The following KNL1 variants were observed in gnomAD, a reference collection of about 807,000 sequenced individuals.
KNL1 encodes kinetochore scaffold 1.
Under a neutral mutation model 201.3 loss-of-function variants are expected in KNL1, and 66 were observed. The observed-to-expected ratio is 0.33, with a 90% CI of 0.27 to 0.40. The LOEUF (loss-of-function observed/expected upper bound fraction) is 0.40. KNL1 is among the 10% of genes least tolerant of loss of function. The pLI is 1.00. For missense variants in KNL1, 2,815 were observed against 2,690.5 expected, an observed-to-expected ratio of 1.05 and a Z score of -1.02; for synonymous variants, 895 against 899.2, an observed-to-expected ratio of 1.00 and a Z score of 0.08.
chr15:40,662,037 G>A (rs962048504), intron 25 of KNL1, 37 bp from the exon 26 acceptor site: 18 of 1,278,294 alleles, frequency 1.4e-5, no homozygotes, highest in Admixed American at 6.9e-5. Context: ...AGACTCCGTC[G>A]CAAAAAAGAA....
intron 14 of KNL1, among the ~76,000 whole-genome samples, chr15:40,641,529 T>C (rs1182426683): frequency 2.0e-5 from 3 of 152,214 alleles, no homozygotes; most frequent in African/African-American, 7.2e-5. Flanking sequence ...GCCACCAACA[T>C]GATGCAAGTG....
intron 10 of KNL1, among the ~76,000 whole-genome samples, chr15:40,626,486 A>G (rs1402138591): frequency 1.3e-5 from 2 of 151,822 alleles, no homozygotes; most frequent in Non-Finnish European, 2.9e-5. Context: ...TCTATTTTCG[A>G]TAAATATATA....
intron 7 of KNL1, 124 bp from the exon 8 acceptor site, chr15:40,615,217 C>A: frequency 5.6e-6 from 2 of 359,578 alleles, no homozygotes; most frequent in Non-Finnish European, 1.0e-5. Flanking sequence ...AAAAAGATGT[C>A]TTTATAATTT....
chr15:40,606,847 C>A (rs959218466), intron 4 of KNL1, among the ~76,000 whole-genome samples: 1 of 152,142 alleles, frequency 6.6e-6, no homozygotes, highest in African/African-American at 2.4e-5. Flanking sequence ...GCAACCTCCT[C>A]CCCCTGGGCT....
rs770256217 is a variant in KNL1 at position 40,620,618 on chromosome 15, T to C, written c.376-22T>C. 7 of 1,485,390 alleles carry C rather than the reference T, an allele frequency of 4.7e-6. No homozygotes were observed. The East Asian group carries it at 1.4e-4, about 29-fold the overall frequency. The allele number at this position is 1,485,390 out of a possible 1,614,324, so 92.0% of individuals were successfully genotyped here. On this transcript the variant is annotated intron_variant, in intron 9 of 25. Coordinates refer to ENST00000399668, the MANE Select transcript of KNL1 (RefSeq NM_144508.5). ...AAAAGTTTGCTTTTGTTCTGATCTC[T>C]TATATTTTGCTTTCATTATAGTTTT...
intron 1 of KNL1, among the ~76,000 whole-genome samples, chr15:40,600,185 C>G (rs1595911608): frequency 6.6e-6 from 1 of 151,456 alleles, no homozygotes; most frequent in South Asian, 2.1e-4. Context: ...AAGCAATTCT[C>G]CTGCCTCAGC....
chr15:40,657,972 C>T (rs1893782602), intron 24 of KNL1, among the ~76,000 whole-genome samples: 1 of 152,032 alleles, frequency 6.6e-6, no homozygotes, highest in South Asian at 2.1e-4. Context: ...AGTTCTTGGT[C>T]AAGTTGGTCA....
intron 17 of KNL1, among the ~76,000 whole-genome samples, chr15:40,649,125 A>G (rs1461801777): frequency 6.6e-6 from 1 of 150,612 alleles, no homozygotes; most frequent in African/African-American, 2.4e-5. Flanking sequence ...GGTGTGAGCC[A>G]CTGCGCCTGG....
chr15:40,638,247 G>A (rs1893116501), intron 13 of KNL1, among the ~76,000 whole-genome samples: 1 of 79,500 alleles, frequency 1.3e-5, no homozygotes, highest in African/African-American at 4.4e-5. Flanking sequence ...GGGAGGGGAA[G>A]GGAGGGGGGA....
chr15:40,616,361 A>G (rs1179801396), intron 8 of KNL1, among the ~76,000 whole-genome samples: 2 of 144,054 alleles, frequency 1.4e-5, no homozygotes, highest in African/African-American at 2.6e-5. Flanking sequence ...TCCTGACCTC[A>G]GGTGATCCAC....
Position 40,622,514 on chromosome 15 carries a change from C to G in KNL1, c.2250C>G (p.Asp750Glu), listed in dbSNP as rs780833761. The G allele has an allele frequency of 3.7e-6, 6 of 1,613,830 alleles. No homozygotes were observed. In the Admixed American group the frequency reaches 1.0e-4, roughly 27 times the overall value. Residue 750 changes from aspartate to glutamate, a missense_variant, in exon 10 of 26, where the codon GAC becomes GAG. Asp to Glu is a conservative substitution (Grantham distance 45). Coordinates refer to ENST00000399668, the MANE Select transcript of KNL1 (RefSeq NM_144508.5). Reference sequence around the variant, plus strand: ...ATCCCACACCTGACTATTGCCATGACAAGATGATTATATGTTCAGAGGAAG... The same window carrying G: ...ATCCCACACCTGACTATTGCCATGAGAAGATGATTATATGTTCAGAGGAAG... Reference protein sequence around the residue: ...LSNPTPDYCHDKMIICSEEEQ... With the variant: ...LSNPTPDYCHEKMIICSEEEQ...
intron 16 of KNL1, 109 bp from the exon 17 acceptor site, chr15:40,646,878 A>T: frequency 1.1e-5 from 5 of 447,440 alleles, no homozygotes; most frequent in Admixed American, 3.8e-5. Flanking sequence ...AAAAAAAAAA[A>T]GATTTGCCTG....
At chr15:40,639,159 C>CTTT (rs112481283) in intron 13 of KNL1, among the ~76,000 whole-genome samples, 3 of 138,330 alleles carry the variant, frequency 2.2e-5, no homozygotes, top group Non-Finnish European at 4.7e-5. Flanking sequence ...CTTAAAAATC[C>CTTT]TTTTTTTTTT....
chr15:40,654,011 T>G (rs530407348), intron 21 of KNL1, among the ~76,000 whole-genome samples: 33 of 152,220 alleles, frequency 2.2e-4, no homozygotes, highest in Non-Finnish European at 4.3e-4. Flanking sequence ...TTGTAGTTCT[T>G]GCTGTGTTTA....
rs1252424240 is a variant in KNL1, at chr15:40,619,375, TA to T, written c.375+365del. ...AGTGTAATATATATATATATATATA[TA>T]TTTTAGGCTATCTCCTACAAGAAGG... On this transcript the variant is annotated intron_variant, in intron 9 of 25. Coordinates refer to ENST00000399668, the MANE Select transcript of KNL1 (RefSeq NM_144508.5). Among the ~76,000 whole-genome samples, 45 of 151,302 alleles carry T rather than the reference TA, an allele frequency of 3.0e-4. No homozygotes were observed. The East Asian group carries it at 6.4e-3, about 21-fold the overall frequency.
chr15:40,629,835 G>A (rs1217930729), intron 13 of KNL1, among the ~76,000 whole-genome samples: 2 of 151,864 alleles, frequency 1.3e-5, no homozygotes, highest in African/African-American at 4.8e-5. Flanking sequence ...TTTGTGGTTA[G>A]CATAAACAAA....
At chr15:40,618,837 C>T in intron 8 of KNL1, 122 bp from the exon 9 acceptor site, 1 of 594,886 alleles carries the variant, frequency 1.7e-6, no homozygotes, top group South Asian at 2.4e-5. Flanking sequence ...TACGTAAGTT[C>T]TTAAGGGCTT....
intron 1 of KNL1, among the ~76,000 whole-genome samples, chr15:40,597,508 C>G (rs1238105973): frequency 6.6e-6 from 1 of 152,174 alleles, no homozygotes; most frequent in African/African-American, 2.4e-5. Context: ...CTCCTGGCCT[C>G]AAGTGATCCA....
chr15:40,598,200 A>G (rs1891677991), intron 1 of KNL1, among the ~76,000 whole-genome samples: 1 of 152,052 alleles, frequency 6.6e-6, no homozygotes, highest in African/African-American at 2.4e-5. Context: ...AAAAGAAAAA[A>G]AAAGAAAATA....
Sources: allele counts gnomAD v4.1 joint callset (sites outside exome capture counted in the v4.1 genomes callset), GRCh38; gene constraint gnomAD v4.1.1; transcripts MANE v1.5; gene names NCBI Gene and HGNC (gene_info 2026-07-23, HGNC 2026-07-21).